The following ZDHHC14 variants were observed in gnomAD, a reference collection of about 807,000 sequenced individuals.
ZDHHC14 encodes the protein palmitoyltransferase ZDHHC14.
Under a neutral mutation model 47.7 loss-of-function variants are expected in ZDHHC14, and 16 were observed. That is an observed-to-expected ratio of 0.34 (90% CI 0.23 to 0.51). The LOEUF (loss-of-function observed/expected upper bound fraction) is 0.51. ZDHHC14 is among the 20% of genes least tolerant of loss of function. The pLI, the probability that ZDHHC14 is intolerant of heterozygous loss-of-function variation, is 0.97. For synonymous variants in ZDHHC14, 293 were observed against 278.9 expected (o/e 1.05, Z -0.50); for missense variants, 515 against 662.5 (o/e 0.78, Z 2.44).
intron 1 of ZDHHC14, among the ~76,000 whole-genome samples, chr6:157,540,183 T>C (rs1047566419): frequency 1.3e-5 from 2 of 152,152 alleles, no homozygotes; most frequent in African/African-American, 4.8e-5. Context: ...CAATCTACAG[T>C]GTATTATCCC....
intron 1 of ZDHHC14, among the ~76,000 whole-genome samples, chr6:157,503,691 G>A (rs1231880738): frequency 2.6e-5 from 4 of 152,174 alleles, no homozygotes; most frequent in Non-Finnish European, 5.9e-5. Flanking sequence ...TAGGCGCCAG[G>A]TGGTAGACAA....
chr6:157,652,350 G>A lies in ZDHHC14; in HGVS notation c.966-1175G>A, dbSNP rs112938887. On this transcript the variant is annotated intron_variant, in intron 7 of 8. Coordinates refer to ENST00000359775, the MANE Select transcript of ZDHHC14 (RefSeq NM_024630.3). Reference sequence around the variant, plus strand: ...GCCCAGGTAGACAGTCCTCAGAGGCGGGGATGGGCATGGCCTCTGGATACA... The same window carrying A: ...GCCCAGGTAGACAGTCCTCAGAGGCAGGGATGGGCATGGCCTCTGGATACA... Among the ~76,000 whole-genome samples, 230 of 152,302 alleles carry A rather than the reference G, an allele frequency of 1.5e-3. 1 individual carries two copies. Among genetic ancestry groups the A allele is most frequent in the African/African-American group, 5.3e-3 (220 of 41,566 alleles).
At chr6:157,487,797 C>T (rs1562445487) in intron 1 of ZDHHC14, among the ~76,000 whole-genome samples, 4 of 152,168 alleles carry the variant, frequency 2.6e-5, no homozygotes, top group African/African-American at 7.2e-5. Flanking sequence ...CTGGCAGCCT[C>T]GGCAGCCTCA....
chr6:157,558,243 G>T (rs141362242), intron 2 of ZDHHC14, among the ~76,000 whole-genome samples: 1 of 152,132 alleles, frequency 6.6e-6, no homozygotes, highest in Admixed American at 6.5e-5. Context: ...CTCCTCAACC[G>T]ACATGCTGCC....
chr6:157,478,744 C>G (rs188601662), intron 1 of ZDHHC14, among the ~76,000 whole-genome samples: 1 of 152,340 alleles, frequency 6.6e-6, no homozygotes, highest in African/African-American at 2.4e-5. Flanking sequence ...CTTTATATCC[C>G]TAACACTTAG....
At chr6:157,477,128 C>CCCAG (rs778982944) in intron 1 of ZDHHC14, among the ~76,000 whole-genome samples, 6 of 152,198 alleles carry the variant, frequency 3.9e-5, no homozygotes, top group Non-Finnish European at 4.4e-5. Flanking sequence ...ATGCCTTAAT[C>CCCAG]CCAGCACTTT....
At chr6:157,612,283 A>G (rs1784780298) in intron 3 of ZDHHC14, among the ~76,000 whole-genome samples, 1 of 152,142 alleles carries the variant, frequency 6.6e-6, no homozygotes, top group South Asian at 2.1e-4. Context: ...GACACCCACC[A>G]TCCACTCTGC....
intron 1 of ZDHHC14, among the ~76,000 whole-genome samples, chr6:157,399,104 G>A (rs1374075502): frequency 6.6e-6 from 1 of 152,170 alleles, no homozygotes; most frequent in Non-Finnish European, 1.5e-5. Flanking sequence ...CAGTTAGCGG[G>A]GTGGATAAAA....
intron 1 of ZDHHC14, among the ~76,000 whole-genome samples, chr6:157,480,757 T>C (rs1779607358): frequency 6.6e-6 from 1 of 151,014 alleles, no homozygotes; most frequent in Non-Finnish European, 1.5e-5. Flanking sequence ...CTTCTAAGAG[T>C]ATAACTATTA....
At chr6:157,437,857 T>C (rs943514546) in intron 1 of ZDHHC14, among the ~76,000 whole-genome samples, 5 of 152,118 alleles carry the variant, frequency 3.3e-5, no homozygotes, top group Non-Finnish European at 5.9e-5. Context: ...GAAGGACAAG[T>C]ACAAGTTGGT....
intron 1 of ZDHHC14, among the ~76,000 whole-genome samples, chr6:157,492,538 T>C (rs1053200733): frequency 5.3e-5 from 8 of 152,186 alleles, no homozygotes; most frequent in African/African-American, 1.9e-4. Flanking sequence ...TCCTGCTCTT[T>C]TGTGCGCCAG....
At chr6:157,404,795 T>C (rs1562412248) in intron 1 of ZDHHC14, among the ~76,000 whole-genome samples, 4 of 152,224 alleles carry the variant, frequency 2.6e-5, no homozygotes, top group African/African-American at 9.6e-5. Flanking sequence ...GAGAAAAATG[T>C]TTAAAATAGC....
At position 157,674,985 on chromosome 6, in the gene ZDHHC14, C is replaced by T. The variant is rs1393851041; in HGVS notation, c.*1863C>T. On this transcript the variant is annotated 3_prime_UTR_variant, in exon 9 of 9. Coordinates refer to ENST00000359775, the MANE Select transcript of ZDHHC14 (RefSeq NM_024630.3). ...CCCTCCTTACACAACCGCACACGCT[C>T]ACAGGCACCAACTCACAGGGATTCT... is the stretch of plus-strand genomic sequence containing the variant. 1 of 152,260 alleles carries T rather than the reference C, an allele frequency of 6.6e-6. No individual in the cohort carries two copies. Among genetic ancestry groups the T allele is most frequent in the Non-Finnish European group, 1.5e-5 (1 of 68,052 alleles). The allele number at this position is 152,260 out of a possible 1,614,324, so 9.4% of individuals were successfully genotyped here. A position where few individuals can be genotyped will look rare whatever the true frequency, so the allele number is the denominator to read the frequency against.
In ZDHHC14 at chr6:157,478,056, G is replaced by A. The variant is rs190464299; in HGVS notation, c.246-64529G>A. 3.3e-3 allele frequency among the ~76,000 whole-genome samples: 498 copies of A among 152,204 alleles called. 1 individual carries two copies. The highest frequency in any genetic ancestry group is 0.011 in the African/African-American group (469 of 41,542). ...TTAATATATCTGTCTATTTAAATTA[G>A]TTTGTCTTTAAAATAGAGCTACTAG... On this transcript the variant is annotated intron_variant, in intron 1 of 8. Coordinates refer to ENST00000359775, the MANE Select transcript of ZDHHC14 (RefSeq NM_024630.3).
intron 1 of ZDHHC14, among the ~76,000 whole-genome samples, chr6:157,541,199 C>T (rs1781750738): frequency 6.6e-6 from 1 of 152,128 alleles, no homozygotes; most frequent in South Asian, 2.1e-4. Context: ...TACATCTCCT[C>T]ATGCTAGGAA....
chr6:157,541,695 G>A (rs1482516084), intron 1 of ZDHHC14, among the ~76,000 whole-genome samples: 1 of 152,178 alleles, frequency 6.6e-6, no homozygotes, highest in Non-Finnish European at 1.5e-5. Context: ...TTAGGTCCAG[G>A]CATCTGACTG....
At chr6:157,444,784 G>T (rs1354103955) in intron 1 of ZDHHC14, among the ~76,000 whole-genome samples, 1 of 152,114 alleles carries the variant, frequency 6.6e-6, no homozygotes, top group Non-Finnish European at 1.5e-5. Flanking sequence ...GGTAGAAACA[G>T]CATTCACATT....
intron 2 of ZDHHC14, among the ~76,000 whole-genome samples, chr6:157,563,449 G>A (rs746650839): frequency 5.3e-5 from 8 of 152,128 alleles, no homozygotes; most frequent in Non-Finnish European, 8.8e-5. Flanking sequence ...CCCCCTTCCC[G>A]GAGTGGAATT....
chr6:157,564,354 TG>T (rs1170776149), intron 2 of ZDHHC14, among the ~76,000 whole-genome samples: 3 of 152,108 alleles, frequency 2.0e-5, no homozygotes, highest in African/African-American at 7.2e-5. Flanking sequence ...GAAGTGGGGT[TG>T]GGGGGAAGAA....
Sources: allele counts gnomAD v4.1 joint callset (sites outside exome capture counted in the v4.1 genomes callset), GRCh38; gene constraint gnomAD v4.1.1; transcripts MANE v1.5; gene names NCBI Gene and HGNC (gene_info 2026-07-23, HGNC 2026-07-21).